EHBP1: variants seen among roughly 807,000 people sequenced by gnomAD.
EHBP1 encodes EH domain binding protein 1.
Under a neutral mutation model 144.0 loss-of-function variants are expected in EHBP1, and 55 were observed. The ratio of observed to expected loss-of-function variants is 0.38; its 90% CI spans 0.31 to 0.48. The LOEUF (loss-of-function observed/expected upper bound fraction) is 0.48, where lower values mean the gene tolerates loss of function less well. Among genes scored for constraint, EHBP1 ranks in the 20% least tolerant of loss-of-function variants. EHBP1 has a pLI of 0.98. For synonymous variants in EHBP1, 469 were observed against 472.7 expected (o/e 0.99, Z 0.10); for missense variants, 1,200 against 1,364.2 (o/e 0.88, Z 1.90).
intron 7 of EHBP1, among the ~76,000 whole-genome samples, chr2:62,836,155 AGACT>A (rs1242645658): frequency 2.0e-5 from 3 of 152,196 alleles, no homozygotes; most frequent in African/African-American, 7.2e-5. Flanking sequence ...GAGAACCGGC[AGACT>A]GCCTCCTCAA....
At chr2:62,811,979 G>A (rs1330223413) in intron 5 of EHBP1, among the ~76,000 whole-genome samples, 4 of 152,162 alleles carry the variant, frequency 2.6e-5, no homozygotes, top group Non-Finnish European at 5.9e-5. Flanking sequence ...TTTAAGAGGT[G>A]ATTAGATCAT....
chr2:62,837,937 A>G (rs1367556213), intron 7 of EHBP1, among the ~76,000 whole-genome samples: 3 of 146,666 alleles, frequency 2.0e-5, no homozygotes, highest in South Asian at 2.3e-4. Context: ...TCAACGAGAC[A>G]GAAAGTCAAC....
intron 19 of EHBP1, among the ~76,000 whole-genome samples, chr2:63,007,338 A>G (rs1202327507): frequency 6.6e-6 from 1 of 151,838 alleles, no homozygotes; most frequent in East Asian, 1.9e-4. Context: ...GGGAAACAGA[A>G]CTTTTATAAA....
At chr2:63,010,268 G>T (rs964672618) in intron 19 of EHBP1, among the ~76,000 whole-genome samples, 9 of 151,186 alleles carry the variant, frequency 6.0e-5, no homozygotes, top group Admixed American at 2.0e-4. Flanking sequence ...AGAATTAGAG[G>T]TTGGCTCAAA....
chr2:62,843,361 A>G (rs1414719896), intron 7 of EHBP1, among the ~76,000 whole-genome samples: 2 of 152,054 alleles, frequency 1.3e-5, no homozygotes, highest in Non-Finnish European at 2.9e-5. Flanking sequence ...TATGGAAGGA[A>G]TATGTTCTGG....
chr2:62,822,696 T>G (rs2046070493), intron 5 of EHBP1, among the ~76,000 whole-genome samples: 1 of 152,162 alleles, frequency 6.6e-6, no homozygotes. Flanking sequence ...AGAGTTTGCA[T>G]TGTTTCACAT....
chr2:62,839,291 A>G (rs2047584640), intron 7 of EHBP1, among the ~76,000 whole-genome samples: 1 of 151,156 alleles, frequency 6.6e-6, no homozygotes, highest in African/African-American at 2.4e-5. Context: ...AAATTCAACA[A>G]CCCTTCATGC....
At chr2:62,681,361 A>ATATATATATATATATATATATAG (rs2033519955) in intron 1 of EHBP1, among the ~76,000 whole-genome samples, 1 of 14,528 alleles carries the variant, frequency 6.9e-5, no homozygotes, top group African/African-American at 4.1e-4. Flanking sequence ...TATATATATA[A>ATATATATATATATATATATATAG]TGTGTATATA....
At position 62,801,710 on chromosome 2, in the gene EHBP1, T is replaced by G. The variant is rs535980872; in HGVS notation, c.313-24377T>G. ...CATAATTAAACTAAATTTTGTTATT[T>G]GTAGCCATTTCTGTTTCATAGAGTT... On this transcript the variant is annotated intron_variant, in intron 5 of 22. Transcript: ENST00000431489. 8.5e-5 allele frequency among the ~76,000 whole-genome samples: 13 copies of G among 152,352 alleles called. No homozygotes were observed. In the East Asian group the frequency reaches 2.5e-3, roughly 29 times the overall value.
chr2:62,916,460 G>A (rs2054623347), intron 10 of EHBP1, among the ~76,000 whole-genome samples: 1 of 151,752 alleles, frequency 6.6e-6, no homozygotes. Flanking sequence ...AGGCATGGTG[G>A]TGCACGCCTG....
rs114577332 is a variant in EHBP1 at position 62,843,232 on chromosome 2, G to T, written c.634+12074G>T. On this transcript the variant is annotated intron_variant, in intron 7 of 22. Transcript: ENST00000431489. ...CATTATCTGAAACATATTAGGAATT[G>T]AATATATCTTAACTGAAAGGCCATA... Among the ~76,000 whole-genome samples the T allele has an allele frequency of 6.0e-3, 912 of 152,184 alleles. 7 individuals are homozygous for T. The highest frequency in any genetic ancestry group is 0.014 in the Middle Eastern group (4 of 294).
intron 5 of EHBP1, among the ~76,000 whole-genome samples, chr2:62,774,390 A>G (rs960810535): frequency 6.6e-6 from 1 of 151,548 alleles, no homozygotes. Flanking sequence ...AAAAAAAAAA[A>G]GAGAGAAAAG....
chr2:62,963,083 C>T (rs577347808), intron 14 of EHBP1, among the ~76,000 whole-genome samples: 7 of 152,222 alleles, frequency 4.6e-5, no homozygotes, highest in Admixed American at 6.5e-5. Context: ...AAACAGTATA[C>T]GTGGGAAAGG....
intron 10 of EHBP1, among the ~76,000 whole-genome samples, chr2:62,893,826 T>A (rs1488244692): frequency 6.6e-6 from 1 of 152,034 alleles, no homozygotes; most frequent in Non-Finnish European, 1.5e-5. Flanking sequence ...GGCAGATCAC[T>A]TGAGCTCAGG....
intron 10 of EHBP1, among the ~76,000 whole-genome samples, chr2:62,909,810 T>C (rs1346382487): frequency 6.6e-6 from 1 of 152,142 alleles, no homozygotes; most frequent in African/African-American, 2.4e-5. Context: ...CAGGCTGGAG[T>C]GCAGTGGCGC....
rs542654789 is a variant in EHBP1 at position 62,911,063 on chromosome 2, G to T, written c.1186-31655G>T. Among the ~76,000 whole-genome samples the T allele has an allele frequency of 2.0e-5, 3 of 152,258 alleles. No individual in the cohort carries two copies. The East Asian group carries it at 5.8e-4, about 29-fold the overall frequency. ...AAATTTCAGTTCTGAGTCATCTGCAGAGAGAATTATTTTTCTGGTTCCTGA... is the reference window on the plus strand; with the variant it reads ...AAATTTCAGTTCTGAGTCATCTGCATAGAGAATTATTTTTCTGGTTCCTGA... On this transcript the variant is annotated intron_variant, in intron 10 of 22. Transcript: ENST00000431489.
intron 1 of EHBP1, among the ~76,000 whole-genome samples, chr2:62,683,525 G>T (rs1391540078): frequency 6.6e-6 from 1 of 152,014 alleles, no homozygotes; most frequent in Admixed American, 6.5e-5. Flanking sequence ...TGGGCATGGT[G>T]GCGGGCGCCT....
At chr2:63,017,113 C>T (rs896269027) in intron 19 of EHBP1, among the ~76,000 whole-genome samples, 1 of 152,178 alleles carries the variant, frequency 6.6e-6, no homozygotes, top group African/African-American at 2.4e-5. Flanking sequence ...AGAATGAGGA[C>T]ACTATGGCTT....
chr2:63,044,275 A>C (rs1395584682), intron 21 of EHBP1: 1 of 150,260 alleles, frequency 6.7e-6, no homozygotes, highest in Non-Finnish European at 1.5e-5. Flanking sequence ...AAAAAAAAAA[A>C]AAAACGCCCC....
Sources: gnomAD v4.1 joint callset for allele counts (sites outside exome capture counted in the v4.1 genomes callset) on GRCh38, gnomAD v4.1.1 for gene constraint, MANE v1.5 for transcripts, NCBI Gene and HGNC (gene_info 2026-07-23, HGNC 2026-07-21) for gene names.